Variants in ZNF518A observed in about 807,000 individuals in gnomAD.
ZNF518A encodes zinc finger protein 518.
ZNF518A carries 47 observed loss-of-function variants against 102.7 expected under a neutral mutation model. That is an observed-to-expected ratio of 0.46 (90% CI 0.36 to 0.58). The LOEUF (loss-of-function observed/expected upper bound fraction) is 0.58, where lower values mean the gene tolerates loss of function less well. ZNF518A is among the 20% of genes least tolerant of loss of function. The probability of loss-of-function intolerance (pLI) is 0.00; values close to 1 mark genes in which losing one functional copy is unlikely to be tolerated. For missense variants in ZNF518A, 1,793 were observed against 1,699.8 expected (o/e 1.05, Z -0.96); for synonymous variants, 652 against 594.6 (o/e 1.10, Z -1.40).
intron 3 of ZNF518A, among the ~76,000 whole-genome samples, chr10:96,141,965 C>T (rs587775657): frequency 3.0e-4 from 45 of 152,306 alleles, no homozygotes; most frequent in African/African-American, 9.6e-4. Context: ...TGGTCTTGAA[C>T]TCCTGGACTC....
chr10:96,148,566 GC>G (rs71034360), intron 3 of ZNF518A, among the ~76,000 whole-genome samples: 152,345 of 152,346 alleles, frequency 1, 76,172 homozygotes, highest in Middle Eastern at 1. Flanking sequence ...TAATCCTCTG[GC>G]CTGTCTGCTT....
At chr10:96,131,851 C>T (rs1342957698) in intron 1 of ZNF518A, among the ~76,000 whole-genome samples, 1 of 152,116 alleles carries the variant, frequency 6.6e-6, no homozygotes, top group Non-Finnish European at 1.5e-5. Context: ...TGAAATATTA[C>T]AGAGGGACTA....
At chr10:96,189,584 T>G (rs2083297124) in intron 1 of ZNF518A, 1 of 683,912 alleles carries the variant, frequency 1.5e-6, no homozygotes, top group African/African-American at 1.7e-5. Context: ...CTTTTAATCT[T>G]GGTGTTGATG....
intron 1 of ZNF518A, among the ~76,000 whole-genome samples, chr10:96,170,218 CT>C (rs1452413676): frequency 1.3e-5 from 2 of 152,182 alleles, no homozygotes; most frequent in East Asian, 3.8e-4. Context: ...TTCTTCCAAG[CT>C]TTTTGGTTAG....
chr10:96,176,059 A>G (rs2083202993), intron 1 of ZNF518A, among the ~76,000 whole-genome samples: 1 of 152,072 alleles, frequency 6.6e-6, no homozygotes, highest in Non-Finnish European at 1.5e-5. Flanking sequence ...CCTCCTGAGT[A>G]GCTAGGACTT....
rs1554882802 is a variant in ZNF518A, at chr10:96,156,835, C to G, written c.513C>G (p.Thr171=). ...DFQVFKQHRR[T]HRSTLVKCDI... ...AGGTATTTAAACAACACAGACGAAC[C>G]CATAGAAGCACTTTAGTAAAATGTG... Residue 171 remains threonine (T), a synonymous_variant, in exon 6 of 6, where the codon ACC becomes ACG. Coordinates refer to ENST00000316045, the MANE Select transcript of ZNF518A (RefSeq NM_001330736.2). The G allele has an allele frequency of 6.2e-7, 1 of 1,613,762 alleles. No homozygotes were observed.
At chr10:96,149,622 A>T (rs1456217766) in intron 3 of ZNF518A, among the ~76,000 whole-genome samples, 1 of 152,212 alleles carries the variant, frequency 6.6e-6, no homozygotes, top group African/African-American at 2.4e-5. Context: ...AAAGATTCAG[A>T]ATGTAAAATG....
chr10:96,156,837 A>G lies in ZNF518A; in HGVS notation c.515A>G (p.His172Arg), dbSNP rs782052080. 6.2e-7 allele frequency: 1 copy of G among 1,613,884 alleles called. No homozygotes were observed. Among genetic ancestry groups the G allele is most frequent in the Non-Finnish European group, 8.5e-7 (1 of 1,179,806 alleles). ...FQVFKQHRRTHRSTLVKCDIC... is the reference protein window; with the variant it reads ...FQVFKQHRRTRRSTLVKCDIC... Reference sequence around the variant, plus strand: ...GTATTTAAACAACACAGACGAACCCATAGAAGCACTTTAGTAAAATGTGAC... The same window carrying G: ...GTATTTAAACAACACAGACGAACCCGTAGAAGCACTTTAGTAAAATGTGAC... Residue 172 changes from histidine (H) to arginine (R), a missense_variant, in exon 6 of 6, where the codon CAT becomes CGT. Coordinates refer to ENST00000316045, the MANE Select transcript of ZNF518A (RefSeq NM_001330736.2).
At chr10:96,166,181 C>G (rs143286972), downstream of ZNF518A, among the ~76,000 whole-genome samples, 1 of 152,176 alleles carries the variant, frequency 6.6e-6, no homozygotes, top group Non-Finnish European at 1.5e-5. Flanking sequence ...TGTCCAGGCT[C>G]CTAGCTGTTT....
Position 96,198,046 on chromosome 10 carries a change from A to G in ZNF518A, n.36-5528A>G, listed in dbSNP as rs185686104. Among the ~76,000 whole-genome samples, 303 of 152,114 alleles carry G rather than the reference A, an allele frequency of 2.0e-3. 1 individual carries two copies. Among genetic ancestry groups the G allele is most frequent in the Middle Eastern group, 3.4e-3 (1 of 294 alleles). On this transcript the variant is annotated intron_variant and non_coding_transcript_variant, in intron 1 of 2. Transcript: ENST00000442635. ...AAAAAATTACGAACAAAAGATGGAC[A>G]AAAAGCAGAATGAAATGCAACAAGA...
chr10:96,189,919 C>T lies in ZNF518A; in HGVS notation n.36-13655C>T, dbSNP rs587725754. 1.6e-5 allele frequency: 16 copies of T among 996,166 alleles called. No homozygotes were observed. The African/African-American group carries it at 1.9e-4, about 12-fold the overall frequency. 61.7% of individuals were successfully genotyped at this position (996,166 alleles called of 1,614,324 possible). A position where few individuals can be genotyped will look rare whatever the true frequency, so the allele number is the denominator to read the frequency against. ...GCACTGGCCCTGAACCACACTTCAA[C>T]CATAAAAGCACTGGTGGTGTTATTT... On this transcript the variant is annotated intron_variant and non_coding_transcript_variant, in intron 1 of 2. Transcript: ENST00000442635.
exon 2 of ZNF518A, chr10:96,203,599 T>A (rs2133961592): frequency 6.5e-6 from 1 of 153,146 alleles, no homozygotes; most frequent in Admixed American, 6.5e-5. Flanking sequence ...GGAAAAATTA[T>A]CCAGATATTT....
At chr10:96,171,959 C>T (rs587735671) in intron 1 of ZNF518A, among the ~76,000 whole-genome samples, 24 of 151,984 alleles carry the variant, frequency 1.6e-4, no homozygotes, top group African/African-American at 5.8e-4. Context: ...CTGACTTCTC[C>T]CCAAAACCAA....
At chr10:96,169,579 C>A (rs1200272411) in intron 1 of ZNF518A, among the ~76,000 whole-genome samples, 2 of 152,092 alleles carry the variant, frequency 1.3e-5, no homozygotes, top group African/African-American at 4.8e-5. Flanking sequence ...CTCTTTAGTT[C>A]TTTAAACATG....
intron 1 of ZNF518A, chr10:96,199,354 ATT>A (rs2083564493): frequency 3.9e-6 from 1 of 256,366 alleles, no homozygotes; most frequent in African/African-American, 2.2e-5. Context: ...ACTTCCAGGT[ATT>A]TTTTGTTTGT....
At chr10:96,202,276 T>C (rs2083664892) in intron 1 of ZNF518A, among the ~76,000 whole-genome samples, 1 of 152,036 alleles carries the variant, frequency 6.6e-6, no homozygotes, top group Admixed American at 6.5e-5. Context: ...TTTAACAGGG[T>C]CATTCCAGCT....
chr10:96,137,300 GCAGT>G (rs2081647917), intron 3 of ZNF518A, among the ~76,000 whole-genome samples: 1 of 152,034 alleles, frequency 6.6e-6, no homozygotes, highest in Non-Finnish European at 1.5e-5. Context: ...TAATAAGCGT[GCAGT>G]CATACTGTAA....
intron 3 of ZNF518A, among the ~76,000 whole-genome samples, chr10:96,144,433 C>T (rs1463372432): frequency 3.3e-5 from 5 of 152,108 alleles, no homozygotes; most frequent in Non-Finnish European, 7.4e-5. Flanking sequence ...TTAAGTGATA[C>T]TGATATATCC....
At chr10:96,139,695 C>T (rs747029213) in intron 3 of ZNF518A, among the ~76,000 whole-genome samples, 1 of 152,080 alleles carries the variant, frequency 6.6e-6, no homozygotes, top group Non-Finnish European at 1.5e-5. Context: ...ACATTTGCTC[C>T]TGTGTGGAGG....
Sources: gnomAD v4.1 joint callset for allele counts (sites outside exome capture counted in the v4.1 genomes callset) on GRCh38, gnomAD v4.1.1 for gene constraint, MANE v1.5 for transcripts, NCBI Gene and HGNC (gene_info 2026-07-23, HGNC 2026-07-21) for gene names.